TRAPPC9: variants seen among roughly 807,000 people sequenced by gnomAD.
The protein encoded by TRAPPC9 is IKK2 binding protein.
TRAPPC9 carries 83 observed loss-of-function variants against 124.0 expected under a neutral mutation model. That is an observed-to-expected ratio of 0.67 (90% CI 0.56 to 0.80). The LOEUF (loss-of-function observed/expected upper bound fraction) is 0.80, where lower values mean the gene tolerates loss of function less well. TRAPPC9 is among the 30% of genes least tolerant of loss of function. TRAPPC9 has a pLI of 0.00. For synonymous variants in TRAPPC9, 638 were observed against 617.5 expected (o/e 1.03, Z -0.49); for missense variants, 1,302 against 1,508.3 (o/e 0.86, Z 2.27).
At chr8:140,439,328 G>C (rs1355262017) in intron 2 of TRAPPC9, 131 bp from the exon 3 acceptor site, 1 of 1,031,778 alleles carries the variant, frequency 9.7e-7, no homozygotes, top group East Asian at 2.5e-5. Context: ...ATAATTTTAA[G>C]TCAGCAATAA....
At chr8:139,969,371 C>T (rs190743123) in intron 19 of TRAPPC9, among the ~76,000 whole-genome samples, 133 of 152,336 alleles carry the variant, frequency 8.7e-4, no homozygotes, top group Non-Finnish European at 1.8e-3. Flanking sequence ...GCATCTGCAG[C>T]GCCTGGTGCG....
chr8:140,322,983 T>C (rs1296436875), intron 9 of TRAPPC9, among the ~76,000 whole-genome samples: 1 of 152,192 alleles, frequency 6.6e-6, no homozygotes, highest in African/African-American at 2.4e-5. Context: ...GTGCACTGAG[T>C]TGACCAAAGG....
intron 17 of TRAPPC9, among the ~76,000 whole-genome samples, chr8:140,080,301 T>G (rs1843741426): frequency 6.6e-6 from 1 of 152,184 alleles, no homozygotes; most frequent in Non-Finnish European, 1.5e-5. Context: ...CAGCTAACAG[T>G]ACAAAACACC....
At chr8:139,922,922 C>T (rs779602273) in intron 19 of TRAPPC9, among the ~76,000 whole-genome samples, 71 of 152,288 alleles carry the variant, frequency 4.7e-4, no homozygotes, top group Non-Finnish European at 7.8e-4. Flanking sequence ...AGCAAGCAAG[C>T]AAGAGAAATT....
At chr8:140,404,651 ATAAATAAGATGT>A in intron 6 of TRAPPC9, among the ~76,000 whole-genome samples, 1 of 152,288 alleles carries the variant, frequency 6.6e-6, no homozygotes, top group South Asian at 2.1e-4. Flanking sequence ...TCCCATTTTC[ATAAATAAGATGT>A]GCGCGTGTAT....
chr8:140,065,631 T>C (rs1304669244), intron 17 of TRAPPC9, among the ~76,000 whole-genome samples: 2 of 152,234 alleles, frequency 1.3e-5, no homozygotes, highest in African/African-American at 4.8e-5. Flanking sequence ...CCTGTGCTTT[T>C]AAGTGGAATA....
chr8:140,227,712 A>G (rs1563862941), intron 16 of TRAPPC9, among the ~76,000 whole-genome samples: 1 of 152,236 alleles, frequency 6.6e-6, no homozygotes, highest in East Asian at 1.9e-4. Context: ...GCTCTTCTAG[A>G]AAGGGGTGAG....
At chr8:139,814,173 C>T (rs184440225) in intron 21 of TRAPPC9, among the ~76,000 whole-genome samples, 61 of 152,350 alleles carry the variant, frequency 4.0e-4, no homozygotes, top group African/African-American at 1.3e-3. Flanking sequence ...CTGTGCTCCG[C>T]GAGGCAGGCG....
In TRAPPC9 at chr8:139,938,769, C is replaced by A. The variant is rs932364459; in HGVS notation, c.2811-28469G>T. ...CACGCCATTCTCCTGCCTCAGCCTCCCGAGTAGCTGGGACTACAGGCGCCC... is the reference window on the plus strand; with the variant it reads ...CACGCCATTCTCCTGCCTCAGCCTCACGAGTAGCTGGGACTACAGGCGCCC... On this transcript the variant is annotated intron_variant, in intron 19 of 22. Coordinates refer to ENST00000438773, the MANE Select transcript of TRAPPC9 (RefSeq NM_001160372.4). Among the ~76,000 whole-genome samples the A allele has an allele frequency of 4.0e-5, 6 of 151,550 alleles. No individual in the cohort carries two copies. The East Asian group carries it at 1.2e-3, about 30-fold the overall frequency.
Position 140,457,699 on chromosome 8 carries a change from C to A in TRAPPC9, c.-71G>T. 1.6e-5 allele frequency: 16 copies of A among 987,682 alleles called. No individual in the cohort carries two copies. The highest frequency in any genetic ancestry group is 1.9e-5 in the Non-Finnish European group (16 of 831,414). The allele number at this position is 987,682 out of a possible 1,614,324, so 61.2% of individuals were successfully genotyped here. A position where few individuals can be genotyped will look rare whatever the true frequency, so the allele number is the denominator to read the frequency against. On this transcript the variant is annotated 5_prime_UTR_variant, in exon 1 of 23. Coordinates refer to ENST00000438773, the MANE Select transcript of TRAPPC9 (RefSeq NM_001160372.4). The stretch of plus-strand genomic sequence containing the variant: ...CGACCTGGCGGGCAGCGGGGCCGAG[C>A]AGCCTCTGCGGCCACTTCCCAGGCT...
At chr8:140,346,558 CTTTAT>C (rs1268113035) in intron 9 of TRAPPC9, among the ~76,000 whole-genome samples, 1 of 152,146 alleles carries the variant, frequency 6.6e-6, no homozygotes, top group Non-Finnish European at 1.5e-5. Context: ...GAGTTAGTTA[CTTTAT>C]TTTTTCTTAT....
chr8:140,024,707 G>A (rs766440805), intron 17 of TRAPPC9, among the ~76,000 whole-genome samples: 1 of 151,458 alleles, frequency 6.6e-6, no homozygotes, highest in African/African-American at 2.4e-5. Flanking sequence ...GGGATGACAG[G>A]CATGTGGGAT....
intron 21 of TRAPPC9, among the ~76,000 whole-genome samples, chr8:139,866,726 T>C (rs1164315896): frequency 1.3e-5 from 2 of 152,142 alleles, no homozygotes; most frequent in Non-Finnish European, 2.9e-5. Context: ...TGTGGGCCAG[T>C]GACTGTTAAG....
Position 140,087,517 on chromosome 8 carries a change from T to G in TRAPPC9, c.2557-63438A>C, listed in dbSNP as rs1007310868. Among the ~76,000 whole-genome samples, 2 of 152,120 alleles carry G rather than the reference T, an allele frequency of 1.3e-5. No homozygotes were observed. The highest frequency in any genetic ancestry group is 4.8e-5 in the African/African-American group (2 of 41,422). ...GAATATGGTTGTGTTTTCCCCACAT[T>G]CTAATCCCCACCGAGCTTCCTCCAT... On this transcript the variant is annotated intron_variant, in intron 17 of 22. Transcript: ENST00000438773. This position sits in a 1 kb window ranked among gnomAD's most constrained non-coding sequence, Gnocchi z 4.6.
chr8:140,324,665 G>T (rs2066691879), intron 9 of TRAPPC9, among the ~76,000 whole-genome samples: 1 of 152,096 alleles, frequency 6.6e-6, no homozygotes, highest in Non-Finnish European at 1.5e-5. Flanking sequence ...AACTACTCAG[G>T]AGGCTGAGGC....
intron 21 of TRAPPC9, among the ~76,000 whole-genome samples, chr8:139,885,578 C>T (rs1829952084): frequency 6.6e-6 from 1 of 152,198 alleles, no homozygotes; most frequent in Admixed American, 6.5e-5. Flanking sequence ...ACACCAAGTG[C>T]AAGTCAAGAT....
intron 18 of TRAPPC9, among the ~76,000 whole-genome samples, chr8:140,005,908 TAAAA>T (rs757182607): frequency 1.9e-5 from 2 of 104,170 alleles, no homozygotes. Context: ...AGACCCTGTC[TAAAA>T]AAAAAAAAAA....
At chr8:140,184,530 G>T (rs1044329559) in intron 17 of TRAPPC9, among the ~76,000 whole-genome samples, 1 of 152,106 alleles carries the variant, frequency 6.6e-6, no homozygotes, top group African/African-American at 2.4e-5. Context: ...CCACCTCCCG[G>T]GTTCAAGCAA....
chr8:140,371,248 A>T (rs2068274127), intron 7 of TRAPPC9, 68 bp from the exon 8 acceptor site: 3 of 1,411,250 alleles, frequency 2.1e-6, no homozygotes, highest in Admixed American at 2.0e-5. Context: ...AGCACACATT[A>T]AAAATGTCTC....
Sources: gnomAD v4.1 joint callset for allele counts (sites outside exome capture counted in the v4.1 genomes callset) on GRCh38, gnomAD v4.1.1 for gene constraint, Gnocchi (gnomAD v3.1) non-coding constraint, MANE v1.5 for transcripts, NCBI Gene and HGNC (gene_info 2026-07-23, HGNC 2026-07-21) for gene names.